The following CHST11 variants were observed in gnomAD, a reference collection of about 807,000 sequenced individuals.
CHST11 encodes C4S-1.
CHST11 carries 9 observed loss-of-function variants against 30.4 expected under a neutral mutation model. The ratio of observed to expected loss-of-function variants is 0.30; its 90% CI spans 0.18 to 0.52. The LOEUF is 0.52. Among genes scored for constraint, CHST11 ranks in the 20% least tolerant of loss-of-function variants. The pLI, the probability that CHST11 is intolerant of heterozygous loss-of-function variation, is 0.97. For missense variants in CHST11, 348 were observed against 460.6 expected (o/e 0.76, Z 2.24); for synonymous variants, 152 against 187.8 (o/e 0.81, Z 1.56).
intron 2 of CHST11, among the ~76,000 whole-genome samples, chr12:104,663,497 T>C (rs972619342): frequency 6.6e-6 from 1 of 152,200 alleles, no homozygotes; most frequent in African/African-American, 2.4e-5. Context: ...TTCTCTGATA[T>C]TCATGTTTGT....
At chr12:104,630,644 G>T (rs2136067201) in intron 2 of CHST11, among the ~76,000 whole-genome samples, 1 of 152,222 alleles carries the variant, frequency 6.6e-6, no homozygotes, top group East Asian at 1.9e-4. Flanking sequence ...GGGCAAAGCA[G>T]GTGGAAAGCT....
At chr12:104,658,093 G>T (rs1361725546) in intron 2 of CHST11, among the ~76,000 whole-genome samples, 1 of 152,190 alleles carries the variant, frequency 6.6e-6, no homozygotes, top group East Asian at 1.9e-4. Flanking sequence ...GGACTGGGGC[G>T]GGGGCTGGCT....
intron 1 of CHST11, among the ~76,000 whole-genome samples, chr12:104,490,633 T>A (rs985891598): frequency 1.3e-5 from 2 of 152,244 alleles, no homozygotes; most frequent in African/African-American, 4.8e-5. Context: ...GCTGCATTTT[T>A]ATTCTGTGTT....
chr12:104,602,409 C>G (rs1417258384), intron 2 of CHST11: 4 of 194,194 alleles, frequency 2.1e-5, no homozygotes, highest in Non-Finnish European at 4.1e-5. Flanking sequence ...CCCCACCTCA[C>G]TGTGCCAGTT....
chr12:104,552,165 G>C (rs541001181), intron 1 of CHST11: 1 of 152,168 alleles, frequency 6.6e-6, no homozygotes, highest in African/African-American at 2.4e-5. Flanking sequence ...GCTGGTCCAG[G>C]GACCATACCT....
At chr12:104,523,302 G>A (rs935522445) in intron 1 of CHST11, among the ~76,000 whole-genome samples, 4 of 152,048 alleles carry the variant, frequency 2.6e-5, no homozygotes, top group South Asian at 2.1e-4. Context: ...AATTCTTTTC[G>A]CTTCCTGGAG....
At chr12:104,501,994 G>A (rs1009860765) in intron 1 of CHST11, among the ~76,000 whole-genome samples, 1 of 151,906 alleles carries the variant, frequency 6.6e-6, no homozygotes, top group Non-Finnish European at 1.5e-5. Flanking sequence ...CACCACACGT[G>A]TGACCTCAAC....
intron 2 of CHST11, among the ~76,000 whole-genome samples, chr12:104,675,261 C>G (rs960426474): frequency 6.6e-6 from 1 of 152,246 alleles, no homozygotes. Flanking sequence ...AAATAGATCT[C>G]ATTAAGGACC....
chr12:104,685,989 G>A (rs1471888624), intron 2 of CHST11, among the ~76,000 whole-genome samples: 1 of 152,116 alleles, frequency 6.6e-6, no homozygotes, highest in African/African-American at 2.4e-5. Flanking sequence ...CACTTTAGGA[G>A]TTCAAAGTGG....
intron 1 of CHST11, among the ~76,000 whole-genome samples, chr12:104,492,263 A>G (rs2037754973): frequency 6.6e-6 from 1 of 151,950 alleles, no homozygotes; most frequent in Non-Finnish European, 1.5e-5. Flanking sequence ...CACCCAGCTA[A>G]TTTTTTGTAT....
chr12:104,622,199 T>A (rs900519865), intron 2 of CHST11, among the ~76,000 whole-genome samples: 32 of 152,360 alleles, frequency 2.1e-4, no homozygotes, highest in African/African-American at 6.7e-4. Context: ...ATCACAGTTT[T>A]GTGGATAACC....
chr12:104,643,947 T>G, intron 2 of CHST11, among the ~76,000 whole-genome samples: 1 of 152,204 alleles, frequency 6.6e-6, no homozygotes, highest in East Asian at 1.9e-4. Flanking sequence ...TTGAATTTTC[T>G]TATTTCCTCT....
chr12:104,705,204 C>T (rs547228925), intron 2 of CHST11, among the ~76,000 whole-genome samples: 104 of 152,250 alleles, frequency 6.8e-4, no homozygotes, highest in African/African-American at 2.4e-3. Context: ...CTGGTGTATA[C>T]AGTGTTACTG....
intron 2 of CHST11, among the ~76,000 whole-genome samples, chr12:104,692,901 A>C (rs2039910350): frequency 6.7e-6 from 1 of 149,976 alleles, no homozygotes; most frequent in East Asian, 2.0e-4. Context: ...CAAAAAAAAA[A>C]CTGTCTTCCA....
At position 104,706,388 on chromosome 12, in the gene CHST11, A is replaced by G. The variant is rs553731697; in HGVS notation, c.205-50561A>G. Among the ~76,000 whole-genome samples, 68 of 150,018 alleles carry G rather than the reference A, an allele frequency of 4.5e-4. No individual in the cohort carries two copies. The South Asian group carries it at 0.014, about 31-fold the overall frequency. On this transcript the variant is annotated intron_variant, in intron 2 of 2. Coordinates refer to ENST00000303694, the MANE Select transcript of CHST11 (RefSeq NM_018413.6). Reference sequence around the variant, plus strand: ...AACAGAATGAGACTGTCTCAAAAAAACAAACAAACAAAAACAGATAGGTAG... The same window carrying G: ...AACAGAATGAGACTGTCTCAAAAAAGCAAACAAACAAAAACAGATAGGTAG...
At chr12:104,521,562 T>C (rs914209093) in intron 1 of CHST11, among the ~76,000 whole-genome samples, 1 of 152,218 alleles carries the variant, frequency 6.6e-6, no homozygotes, top group Non-Finnish European at 1.5e-5. Context: ...GAGCTAGCTC[T>C]CCTGACGCTT....
At chr12:104,609,487 G>A (rs117380055) in intron 2 of CHST11, among the ~76,000 whole-genome samples, 2,431 of 152,270 alleles carry the variant, frequency 0.016, 28 homozygotes, top group Non-Finnish European at 0.024. Context: ...TTGAACCAGG[G>A]AAGCTTCCCA....
intron 1 of CHST11, among the ~76,000 whole-genome samples, chr12:104,471,040 C>T (rs764406503): frequency 2.0e-5 from 3 of 152,316 alleles, no homozygotes; most frequent in Non-Finnish European, 4.4e-5. Context: ...TTAGATGACG[C>T]TCATGTCTTT....
chr12:104,533,052 A>G lies in CHST11; in HGVS notation c.119-68854A>G, dbSNP rs577883480. ...CAGCCTCCTGAGTAGCTGGGGCTAC[A>G]GGCACGCACCACCATGTCTTGCTTC... On this transcript the variant is annotated intron_variant, in intron 1 of 2. Transcript: ENST00000303694. Among the ~76,000 whole-genome samples the G allele has an allele frequency of 4.1e-3, 631 of 152,278 alleles. 8 individuals are homozygous for G. Among genetic ancestry groups the G allele is most frequent in the African/African-American group, 0.015 (605 of 41,558 alleles).
Sources: gnomAD v4.1 joint callset for allele counts (sites outside exome capture counted in the v4.1 genomes callset) on GRCh38, gnomAD v4.1.1 for gene constraint, MANE v1.5 for transcripts, NCBI Gene and HGNC (gene_info 2026-07-23, HGNC 2026-07-21) for gene names.